Variants in MKRN2OS observed in about 807,000 individuals in gnomAD.
MKRN2OS encodes MKRN2 opposite strand.
Under a neutral mutation model 18.2 loss-of-function variants are expected in MKRN2OS, and 17 were observed. The observed-to-expected ratio is 0.93, with a 90% CI of 0.64 to 1.40. The LOEUF (loss-of-function observed/expected upper bound fraction) is 1.40, where lower values mean the gene tolerates loss of function less well. Ranked by LOEUF, MKRN2OS falls within the 40% of genes most tolerant of loss-of-function variation. The probability of loss-of-function intolerance (pLI) is 0.00; values close to 1 mark genes in which losing one functional copy is unlikely to be tolerated. For synonymous variants in MKRN2OS, 121 were observed against 108.5 expected (o/e 1.12, Z -0.72); for missense variants, 337 against 283.0 (o/e 1.19, Z -1.37).
chr3:12,557,931 T>A (rs1309570188), intron 1 of MKRN2OS, among the ~76,000 whole-genome samples: 1 of 152,262 alleles, frequency 6.6e-6, no homozygotes, highest in African/African-American at 2.4e-5. Flanking sequence ...CGACTGCTCC[T>A]ATGAAATAGA....
At chr3:12,559,530 G>C (rs1385782284) in intron 1 of MKRN2OS, among the ~76,000 whole-genome samples, 3 of 152,114 alleles carry the variant, frequency 2.0e-5, no homozygotes, top group Non-Finnish European at 2.9e-5. Context: ...AATGACAGCA[G>C]AATAATGTCA....
intron 3 of MKRN2OS, 80 bp from the exon 4 acceptor site, chr3:12,540,513 T>A: frequency 6.6e-7 from 1 of 1,507,520 alleles, no homozygotes; most frequent in Non-Finnish European, 8.9e-7. Flanking sequence ...CTTTCCTAAC[T>A]GAAATCGGGT....
chr3:12,560,521 G>A (rs1234448203), intron 1 of MKRN2OS, among the ~76,000 whole-genome samples: 2 of 148,982 alleles, frequency 1.3e-5, no homozygotes, highest in Non-Finnish European at 3.0e-5. Flanking sequence ...CAAATTACCT[G>A]TATACTTGGA....
upstream of MKRN2OS, among the ~76,000 whole-genome samples, chr3:12,550,293 G>C (rs1388624975): frequency 6.6e-6 from 1 of 152,188 alleles, no homozygotes; most frequent in Non-Finnish European, 1.5e-5. Context: ...AAGACATGGA[G>C]GAAACTTAAA....
rs2057823366 is a variant in MKRN2OS at position 12,542,115 on chromosome 3, A to G, written c.269-93T>C. On this transcript the variant is annotated intron_variant, in intron 2 of 3. Coordinates refer to ENST00000564146, the MANE Select transcript of MKRN2OS (RefSeq NM_001195279.2). ...AGAAAATGACAGTAGCCATGTGGTA[A>G]CTTTACGTAACATAAATCCAGGGTG... The G allele has an allele frequency of 5.6e-6, 7 of 1,252,266 alleles. No homozygotes were observed. The South Asian group carries it at 9.2e-5, about 17-fold the overall frequency. 77.6% of individuals were successfully genotyped at this position (1,252,266 alleles called of 1,614,324 possible). A position where few individuals can be genotyped will look rare whatever the true frequency, so the allele number is the denominator to read the frequency against.
intron 1 of MKRN2OS, among the ~76,000 whole-genome samples, chr3:12,544,162 G>A (rs2125290651): frequency 6.6e-6 from 1 of 152,302 alleles, no homozygotes; most frequent in East Asian, 1.9e-4. Context: ...TAGTAGGCAG[G>A]AAGGTGAGTA....
At chr3:12,549,426 A>G (rs2057911242), upstream of MKRN2OS, among the ~76,000 whole-genome samples, 1 of 147,160 alleles carries the variant, frequency 6.8e-6, no homozygotes, top group African/African-American at 2.5e-5. Flanking sequence ...TATTTTTAGT[A>G]GATATGGGGT....
At chr3:12,544,215 G>A (rs949328170) in intron 1 of MKRN2OS, among the ~76,000 whole-genome samples, 8 of 152,158 alleles carry the variant, frequency 5.3e-5, no homozygotes, top group Non-Finnish European at 1.5e-5. Flanking sequence ...CTCTTGAGGG[G>A]ACAGGAAGTT....
At position 12,557,148 on chromosome 3, in the gene MKRN2OS, A is replaced by T. The variant is rs754959192; in HGVS notation, n.265-3014T>A. On this transcript the variant is annotated intron_variant and non_coding_transcript_variant, in intron 1 of 1. Coordinates refer to the MKRN2OS transcript ENST00000447550. ...ACGACGACGGTCCCTCAGCCCAGCC[A>T]CCATGAGCACCAAGCAGATCACTTG... The T allele has an allele frequency of 8.5e-6, 13 of 1,524,018 alleles. 1 individual carries two copies. The South Asian group carries it at 1.6e-4, about 19-fold the overall frequency. 94.4% of individuals were successfully genotyped at this position (1,524,018 alleles called of 1,614,324 possible).
rs748118579 is a variant in MKRN2OS at position 12,543,228 on chromosome 3, C to T, written c.220G>A (p.Glu74Lys). The T allele has an allele frequency of 1.1e-4, 162 of 1,533,682 alleles. No homozygotes were observed. Among genetic ancestry groups the T allele is most frequent in the Non-Finnish European group, 1.4e-4 (159 of 1,146,314 alleles). ...TGAAGATCAGACCTTCCATCATACTCTCTGAAAGAAACAAGGTTTGTTTTT... is the reference window on the plus strand; with the variant it reads ...TGAAGATCAGACCTTCCATCATACTTTCTGAAAGAAACAAGGTTTGTTTTT... ...LRPTQGTFLREYDGRSDLHVG... is the reference protein window; with the variant it reads ...LRPTQGTFLRKYDGRSDLHVG... Residue 74 changes from glutamate to lysine, a missense_variant and splice_region_variant, in exon 2 of 4, where the codon GAG (glutamate) becomes AAG (lysine). Physicochemically the swap from Glu to Lys is moderately conservative, Grantham distance 56 (BLOSUM62 1). Coordinates refer to ENST00000564146, the MANE Select transcript of MKRN2OS (RefSeq NM_001195279.2).
downstream of MKRN2OS, among the ~76,000 whole-genome samples, chr3:12,552,062 G>A (rs1177226953): frequency 6.6e-6 from 1 of 152,120 alleles, no homozygotes; most frequent in Non-Finnish European, 1.5e-5. Context: ...GCTCACGCCT[G>A]TAATCCCAGC....
At chr3:12,545,127 G>C (rs2057867928) in intron 1 of MKRN2OS, 120 bp downstream of exon 1, 1 of 748,244 alleles carries the variant, frequency 1.3e-6, no homozygotes, top group South Asian at 2.0e-5. Context: ...TAAAGCCAAA[G>C]CACCGAAAAA....
At chr3:12,543,904 A>T (rs1174243191) in intron 1 of MKRN2OS, among the ~76,000 whole-genome samples, 2 of 152,128 alleles carry the variant, frequency 1.3e-5, no homozygotes, top group East Asian at 3.9e-4. Context: ...AAAAAAAAAA[A>T]AAAAATAACA....
chr3:12,546,649 C>G (rs2057887222), upstream of MKRN2OS, among the ~76,000 whole-genome samples: 1 of 130,072 alleles, frequency 7.7e-6, no homozygotes, highest in Non-Finnish European at 1.5e-5. Flanking sequence ...GGTGTGATCT[C>G]GGCTCACTGC....
upstream of MKRN2OS, among the ~76,000 whole-genome samples, chr3:12,548,489 G>T (rs1021438970): frequency 7.5e-6 from 1 of 132,984 alleles, no homozygotes; most frequent in Non-Finnish European, 1.6e-5. Context: ...AAAACCAGCC[G>T]AGCGTGGTGG....
At chr3:12,552,348 CAATGAAA>C (rs781379709), downstream of MKRN2OS, among the ~76,000 whole-genome samples, 40 of 150,934 alleles carry the variant, frequency 2.7e-4, no homozygotes, top group Non-Finnish European at 4.7e-4. Flanking sequence ...TCCCATAAAA[CAATGAAA>C]TCTGAATAGC....
chr3:12,554,869 A>T (rs1307094899), intron 1 of MKRN2OS, among the ~76,000 whole-genome samples: 5 of 152,232 alleles, frequency 3.3e-5, no homozygotes, highest in African/African-American at 1.2e-4. Context: ...GTTTTAAAAA[A>T]TGTTTCTGCT....
chr3:12,560,913 A>G (rs1033099864), exon 1 of MKRN2OS: 5 of 152,224 alleles, frequency 3.3e-5, no homozygotes, highest in Admixed American at 6.6e-5. Flanking sequence ...AACATGAAAG[A>G]GGCTTGGAGT....
Position 12,542,031 on chromosome 3 carries a change from C to CA in MKRN2OS, c.269-10dup. Reference sequence around the variant, plus strand: ...GTAATTATACACAACCCCTGCAAATCAAAACCAAAGTCATGTGGAGCCCCA... The same window carrying CA: ...GTAATTATACACAACCCCTGCAAATCAAAAACCAAAGTCATGTGGAGCCCCA... On this transcript the variant is annotated splice_polypyrimidine_tract_variant and intron_variant, in intron 2 of 3. Coordinates refer to ENST00000564146, the MANE Select transcript of MKRN2OS (RefSeq NM_001195279.2). 1 of 1,530,718 alleles carries CA rather than the reference C, an allele frequency of 6.5e-7. No individual in the cohort carries two copies. The allele number at this position is 1,530,718 out of a possible 1,614,324, so 94.8% of individuals were successfully genotyped here.
Sources: gnomAD v4.1 joint callset for allele counts (sites outside exome capture counted in the v4.1 genomes callset) on GRCh38, gnomAD v4.1.1 for gene constraint, MANE v1.5 for transcripts, NCBI Gene and HGNC (gene_info 2026-07-23, HGNC 2026-07-21) for gene names.